Variants in KLHDC4 observed in about 807,000 individuals in gnomAD.
The protein encoded by KLHDC4 is kelch domain containing 4, also known as kelch domain-containing protein 4.
KLHDC4 carries 90 observed loss-of-function variants against 62.4 expected under a neutral mutation model. That is an observed-to-expected ratio of 1.44 (90% CI 1.22 to 1.72). The LOEUF is 1.72. Ranked by LOEUF, KLHDC4 falls within the 40% of genes most tolerant of loss-of-function variation. The probability of loss-of-function intolerance (pLI) is 0.00; values close to 1 mark genes in which losing one functional copy is unlikely to be tolerated. For missense variants in KLHDC4, 1,025 were observed against 699.7 expected (o/e 1.47, Z -5.25); for synonymous variants, 386 against 284.4 (o/e 1.36, Z -3.59).
At chr16:87,745,353 G>A (rs888632892) in intron 5 of KLHDC4, among the ~76,000 whole-genome samples, 1 of 151,912 alleles carries the variant, frequency 6.6e-6, no homozygotes, top group Non-Finnish European at 1.5e-5. Flanking sequence ...TGCTCTCGCA[G>A]CACCCGCCCC....
chr16:87,756,436 A>C lies in KLHDC4; in HGVS notation c.233T>G (p.Leu78Ter). 6.2e-7 allele frequency: 1 copy of C among 1,614,076 alleles called. No homozygotes were observed. Among genetic ancestry groups the C allele is most frequent in the South Asian group, 1.1e-5 (1 of 91,078 alleles). ...GAAATATTCACCTCCAAAAAGGATT[A>C]ACTCATCTTTCTCAGGATGAACCGA... is the stretch of plus-strand genomic sequence containing the variant. ...SLSVHPEKDE[L>*]ILFGGEYFNG... Residue 78 changes from leucine (L) to a stop codon, truncating the protein, a stop_gained, in exon 3 of 12, where the codon TTA (leucine) becomes TGA (stop). Transcript: ENST00000270583. LOFTEE classifies it high-confidence loss of function.
At chr16:87,748,830 G>A in intron 4 of KLHDC4, 21 bp from the exon 5 acceptor site, 3 of 1,611,142 alleles carry the variant, frequency 1.9e-6, no homozygotes, top group East Asian at 2.2e-5. Context: ...AAAGGTGACA[G>A]GTCAGGGCAC....
At chr16:87,714,263 G>A (rs938752549) in intron 8 of KLHDC4, 13 of 469,538 alleles carry the variant, frequency 2.8e-5, no homozygotes, top group African/African-American at 2.3e-4. Flanking sequence ...AACAGCGCCC[G>A]TGCTTCTCAG....
chr16:87,763,860 A>C (rs966073237), intron 1 of KLHDC4, among the ~76,000 whole-genome samples: 2 of 152,204 alleles, frequency 1.3e-5, no homozygotes, highest in Admixed American at 1.3e-4. Context: ...CTCCAAAGTG[A>C]CAATAAGCTG....
intron 5 of KLHDC4, 193 bp from the exon 6 acceptor site, chr16:87,730,837 G>A (rs1042451720): frequency 1.2e-5 from 6 of 517,038 alleles, no homozygotes; most frequent in Admixed American, 7.5e-5. Flanking sequence ...AGCTAGCTAA[G>A]CTCAAACCTC....
intron 2 of KLHDC4, among the ~76,000 whole-genome samples, chr16:87,757,747 C>G (rs2045211496): frequency 6.6e-6 from 1 of 151,916 alleles, no homozygotes; most frequent in African/African-American, 2.4e-5. Flanking sequence ...CAAAAAGTAG[C>G]CAGGCATGGT....
chr16:87,731,902 A>T (rs2040440452), intron 5 of KLHDC4, among the ~76,000 whole-genome samples: 1 of 152,144 alleles, frequency 6.6e-6, no homozygotes, highest in Admixed American at 6.5e-5. Context: ...AATGTGAATG[A>T]ATCTTAAAAA....
At chr16:87,747,515 CA>C in intron 5 of KLHDC4, 1 of 152,318 alleles carries the variant, frequency 6.6e-6, no homozygotes, top group Non-Finnish European at 1.5e-5. Context: ...TTTCTCAAAG[CA>C]AGCATGAGAA....
intron 9 of KLHDC4, 154 bp from the exon 10 acceptor site, chr16:87,709,821 T>C: frequency 1.2e-6 from 1 of 850,218 alleles, no homozygotes; most frequent in Non-Finnish European, 1.8e-6. Context: ...CTGCCCTGGG[T>C]GCAGGCACTG....
At chr16:87,731,571 G>C (rs1428871236) in intron 5 of KLHDC4, among the ~76,000 whole-genome samples, 2 of 151,880 alleles carry the variant, frequency 1.3e-5, no homozygotes, top group East Asian at 3.8e-4. Context: ...ACATGGCTGG[G>C]CACCCGAGAT....
At chr16:87,721,951 C>G (rs1282625729) in intron 7 of KLHDC4, among the ~76,000 whole-genome samples, 4 of 152,140 alleles carry the variant, frequency 2.6e-5, no homozygotes, top group African/African-American at 9.7e-5. Context: ...CGCGCCCCCA[C>G]CCTCCCCATC....
chr16:87,752,161 C>T (rs1774294575), intron 4 of KLHDC4, among the ~76,000 whole-genome samples: 1 of 147,104 alleles, frequency 6.8e-6, no homozygotes, highest in African/African-American at 2.5e-5. Flanking sequence ...AATCCCAGCT[C>T]TCAGGGAAGC....
At chr16:87,715,630 C>G (rs2036809155) in intron 7 of KLHDC4, among the ~76,000 whole-genome samples, 1 of 152,186 alleles carries the variant, frequency 6.6e-6, no homozygotes, top group African/African-American at 2.4e-5. Flanking sequence ...TCTACTGGGA[C>G]TGTCTGCTGT....
chr16:87,759,030 C>A (rs2045457658), intron 2 of KLHDC4, among the ~76,000 whole-genome samples: 1 of 152,020 alleles, frequency 6.6e-6, no homozygotes, highest in South Asian at 2.1e-4. Flanking sequence ...ACAAAATTAG[C>A]CAGGCATGGT....
At chr16:87,706,153 G>A (rs1378760833), downstream of KLHDC4, among the ~76,000 whole-genome samples, 7 of 125,032 alleles carry the variant, frequency 5.6e-5, no homozygotes, top group Non-Finnish European at 3.3e-5. Context: ...GGGGGGGTCA[G>A]CGTAATGCAA....
downstream of KLHDC4, among the ~76,000 whole-genome samples, chr16:87,705,194 C>T (rs1468345062): frequency 6.6e-6 from 1 of 152,200 alleles, no homozygotes; most frequent in Non-Finnish European, 1.5e-5. Context: ...GCGCCAGCAG[C>T]TCCCGGGAGA....
At chr16:87,719,896 G>A (rs914809495) in intron 7 of KLHDC4, among the ~76,000 whole-genome samples, 1 of 152,226 alleles carries the variant, frequency 6.6e-6, no homozygotes, top group Non-Finnish European at 1.5e-5. Flanking sequence ...GTGCCTGAAC[G>A]TTTGGAGGCG....
intron 4 of KLHDC4, among the ~76,000 whole-genome samples, chr16:87,751,918 T>TA (rs942454750): frequency 4.0e-5 from 6 of 148,608 alleles, no homozygotes; most frequent in East Asian, 2.0e-4. Flanking sequence ...CTAAAAATAC[T>TA]AAAAAAATTA....
At chr16:87,718,641 C>T (rs1022359353) in intron 7 of KLHDC4, among the ~76,000 whole-genome samples, 2 of 151,936 alleles carry the variant, frequency 1.3e-5, no homozygotes, top group African/African-American at 4.8e-5. Context: ...TCTGCCCGGC[C>T]GCCACCTCGT....
Sources: gnomAD v4.1 joint callset for allele counts (sites outside exome capture counted in the v4.1 genomes callset) on GRCh38, gnomAD v4.1.1 for gene constraint, MANE v1.5 for transcripts, NCBI Gene and HGNC (gene_info 2026-07-23, HGNC 2026-07-21) for gene names.